PPARGC1A: variants seen among roughly 807,000 people sequenced by gnomAD.
PPARGC1A encodes the protein peroxisome proliferator-activated receptor gamma coactivator 1-alpha.
A neutral mutation model predicts 88.7 loss-of-function variants in PPARGC1A; 25 were observed. That is an observed-to-expected ratio of 0.28 (90% CI 0.21 to 0.39). The LOEUF is 0.39. PPARGC1A is among the 10% of genes least tolerant of loss of function. The pLI is 1.00. For missense variants in PPARGC1A, 880 were observed against 968.7 expected (o/e 0.91, Z 1.22); for synonymous variants, 363 against 355.6 (o/e 1.02, Z -0.24).
the PPARGC1A span, among the ~76,000 whole-genome samples, chr4:24,424,257 A>ATTTT: frequency 3.0e-5 from 2 of 67,222 alleles, no homozygotes; most frequent in Non-Finnish European, 5.9e-5. Context: ...CTATACACAC[A>ATTTT]CTTTTTTTTT....
chr4:24,021,777 C>A, the PPARGC1A span, among the ~76,000 whole-genome samples: 4,733 of 152,250 alleles, frequency 0.031, 271 homozygotes, highest in African/African-American at 0.11. Context: ...AAGTGTTCAG[C>A]ACAGTGCCTG....
chr4:24,127,738 A>G, the PPARGC1A span, among the ~76,000 whole-genome samples: 1 of 152,108 alleles, frequency 6.6e-6, no homozygotes, highest in African/African-American at 2.4e-5. Context: ...ATCGTGTTTC[A>G]TAAGCATCAA....
At chr4:23,808,385 C>T (rs1306276126) in intron 10 of PPARGC1A, among the ~76,000 whole-genome samples, 1 of 152,032 alleles carries the variant, frequency 6.6e-6, no homozygotes, top group African/African-American at 2.4e-5. Flanking sequence ...AGTGAAGCAG[C>T]AGTCATTGCC....
chr4:23,910,234 A>ATAATATATATAAATATATATTATATATAT, the PPARGC1A span, among the ~76,000 whole-genome samples: 3 of 107,162 alleles, frequency 2.8e-5, no homozygotes, highest in Admixed American at 1.4e-4. Flanking sequence ...TATATTATAT[A>ATAATATATATAAATATATATTATATATAT]TAATATATAT....
Position 23,814,509 on chromosome 4 carries a change from G to A in PPARGC1A, c.974C>T (p.Pro325Leu), listed in dbSNP as rs536015060. The A allele has an allele frequency of 1.2e-5, 20 of 1,613,340 alleles. No homozygotes were observed. Among genetic ancestry groups the A allele is most frequent in the Non-Finnish European group, 1.5e-5 (18 of 1,179,858 alleles). Residue 325 changes from proline (P) to leucine (L), a missense_variant, in exon 8 of 13, where the codon CCA (proline) becomes CTA (leucine). Pro to Leu is a moderately conservative substitution (Grantham distance 98). Coordinates refer to ENST00000264867, the MANE Select transcript of PPARGC1A (RefSeq NM_013261.5). ...KLKSSCKTVV[P>L]PPSKKPRYSE... ...GTACCTGGGCTTCTTTGATGGTGGTGGCACCACAGTCTTGCAAGAGGACTT... is the reference window on the plus strand; with the variant it reads ...GTACCTGGGCTTCTTTGATGGTGGTAGCACCACAGTCTTGCAAGAGGACTT...
the PPARGC1A span, among the ~76,000 whole-genome samples, chr4:23,941,326 G>T: frequency 6.6e-6 from 1 of 152,108 alleles, no homozygotes; most frequent in Admixed American, 6.5e-5. Flanking sequence ...CCAAAGCACT[G>T]AGATTACAGA....
the PPARGC1A span, among the ~76,000 whole-genome samples, chr4:24,384,655 C>G: frequency 6.6e-6 from 1 of 150,432 alleles, no homozygotes; most frequent in East Asian, 2.0e-4. Flanking sequence ...AAGAGCATTA[C>G]ATAATGGTAA....
the PPARGC1A span, among the ~76,000 whole-genome samples, chr4:24,250,271 T>A: frequency 5.3e-5 from 8 of 152,202 alleles, no homozygotes; most frequent in South Asian, 2.1e-4. Flanking sequence ...ATTTCTGGAC[T>A]AACACCTGTG....
the PPARGC1A span, among the ~76,000 whole-genome samples, chr4:24,243,610 G>C: frequency 6.6e-6 from 1 of 152,162 alleles, no homozygotes; most frequent in Non-Finnish European, 1.5e-5. Context: ...TAGGGTTTTT[G>C]CCAAGGTTTT....
At chr4:24,178,302 T>C in the PPARGC1A span, among the ~76,000 whole-genome samples, 1 of 152,202 alleles carries the variant, frequency 6.6e-6, no homozygotes. Flanking sequence ...GCTATCATTA[T>C]ATCTAGGTGT....
the PPARGC1A span, among the ~76,000 whole-genome samples, chr4:24,001,031 T>C: frequency 6.6e-6 from 1 of 152,220 alleles, no homozygotes; most frequent in African/African-American, 2.4e-5. Context: ...ACTGCTCTTA[T>C]TACACTTTCC....
At chr4:24,003,654 A>G in the PPARGC1A span, among the ~76,000 whole-genome samples, 2 of 152,272 alleles carry the variant, frequency 1.3e-5, no homozygotes, top group African/African-American at 4.8e-5. Flanking sequence ...GAATAAGGAA[A>G]AGACCAGAGT....
the PPARGC1A span, among the ~76,000 whole-genome samples, chr4:23,992,515 C>T: frequency 0.17 from 26,361 of 151,800 alleles, 2,778 homozygotes; most frequent in Admixed American, 0.31. Context: ...TATAACTTGC[C>T]TACCAAGTTT....
At chr4:24,162,796 G>A in the PPARGC1A span, among the ~76,000 whole-genome samples, 2 of 151,772 alleles carry the variant, frequency 1.3e-5, no homozygotes, top group Admixed American at 6.6e-5. Flanking sequence ...GTTTCACCAT[G>A]TTGGCCAGTC....
chr4:24,327,638 C>T, the PPARGC1A span, among the ~76,000 whole-genome samples: 1 of 152,006 alleles, frequency 6.6e-6, no homozygotes, highest in African/African-American at 2.4e-5. Context: ...TCACCTCTTA[C>T]CACAAGATCT....
the PPARGC1A span, among the ~76,000 whole-genome samples, chr4:24,202,032 G>C: frequency 1.3e-5 from 2 of 151,928 alleles, no homozygotes; most frequent in Admixed American, 6.6e-5. Context: ...TTCCCAAACA[G>C]TTGGGACTAC....
At chr4:24,031,874 C>T in the PPARGC1A span, among the ~76,000 whole-genome samples, 1 of 152,176 alleles carries the variant, frequency 6.6e-6, no homozygotes, top group African/African-American at 2.4e-5. Context: ...TTAGAAATGA[C>T]CTTGGACATC....
the PPARGC1A span, among the ~76,000 whole-genome samples, chr4:24,130,686 T>A: frequency 2.0e-5 from 3 of 152,116 alleles, no homozygotes; most frequent in Non-Finnish European, 2.9e-5. Context: ...TCACTTCACA[T>A]CTCCAGACCT....
chr4:24,041,293 C>G, the PPARGC1A span, among the ~76,000 whole-genome samples: 1 of 152,270 alleles, frequency 6.6e-6, no homozygotes, highest in African/African-American at 2.4e-5. Flanking sequence ...CCAACTCCTC[C>G]CTGCTGGGCA....
Sources: gnomAD v4.1 joint callset for allele counts (sites outside exome capture counted in the v4.1 genomes callset) on GRCh38, gnomAD v4.1.1 for gene constraint, MANE v1.5 for transcripts, NCBI Gene and HGNC (gene_info 2026-07-23, HGNC 2026-07-21) for gene names.